The following ROBO2 variants were observed in gnomAD, a reference collection of about 807,000 sequenced individuals.
The protein encoded by ROBO2 is roundabout homolog 2.
ROBO2 carries 53 observed loss-of-function variants against 160.8 expected under a neutral mutation model. The ratio of observed to expected loss-of-function variants is 0.33; its 90% CI spans 0.26 to 0.41. The LOEUF (loss-of-function observed/expected upper bound fraction) is 0.41. ROBO2 is among the 10% of genes least tolerant of loss of function. The probability of loss-of-function intolerance (pLI) is 1.00; values close to 1 mark genes in which losing one functional copy is unlikely to be tolerated. For synonymous variants in ROBO2, 664 were observed against 611.7 expected (o/e 1.09, Z -1.26); for missense variants, 1,577 against 1,722.4 (o/e 0.92, Z 1.49).
intron 2 of ROBO2, among the ~76,000 whole-genome samples, chr3:76,937,508 A>G (rs1294619386): frequency 6.6e-6 from 1 of 151,876 alleles, no homozygotes; most frequent in Non-Finnish European, 1.5e-5. Flanking sequence ...TTTCTTATGT[A>G]ATTTATTAGT....
intron 2 of ROBO2, among the ~76,000 whole-genome samples, chr3:75,996,744 ATTC>A (rs2065737590): frequency 1.2e-5 from 1 of 82,858 alleles, no homozygotes; most frequent in East Asian, 4.5e-4. Context: ...TAAATCATCA[ATTC>A]TGATATATGT....
At chr3:76,904,505 A>G (rs1184571205) in intron 2 of ROBO2, among the ~76,000 whole-genome samples, 2 of 152,210 alleles carry the variant, frequency 1.3e-5, no homozygotes, top group Non-Finnish European at 2.9e-5. Context: ...TGATTCTTTA[A>G]AAGAACACAT....
At chr3:77,431,208 A>G (rs534413746) in intron 2 of ROBO2, among the ~76,000 whole-genome samples, 1 of 152,282 alleles carries the variant, frequency 6.6e-6, no homozygotes, top group South Asian at 2.1e-4. Context: ...AGAGGTGATG[A>G]TACCCTCAAT....
At chr3:77,200,323 T>TA (rs1560219219) in intron 2 of ROBO2, among the ~76,000 whole-genome samples, 84 of 49,606 alleles carry the variant, frequency 1.7e-3, no homozygotes, top group Non-Finnish European at 3.5e-3. Flanking sequence ...ATATATATAT[T>TA]TTAGTTTCTA....
intron 2 of ROBO2, among the ~76,000 whole-genome samples, chr3:76,914,183 G>A (rs572341226): frequency 2.0e-5 from 3 of 152,238 alleles, no homozygotes; most frequent in East Asian, 1.9e-4. Flanking sequence ...ATATTCATGG[G>A]AATTTTTAAA....
intron 2 of ROBO2, among the ~76,000 whole-genome samples, chr3:77,105,864 T>A (rs973394029): frequency 1.3e-5 from 2 of 152,128 alleles, no homozygotes; most frequent in Non-Finnish European, 2.9e-5. Context: ...GATCCTGAGG[T>A]CTGCAGTCAA....
chr3:77,294,711 G>T (rs1452494917), intron 2 of ROBO2, among the ~76,000 whole-genome samples: 2 of 147,658 alleles, frequency 1.4e-5, no homozygotes, highest in South Asian at 4.2e-4. Flanking sequence ...GATCACCAAA[G>T]ACATGAAGTA....
chr3:75,989,992 A>G (rs1045590046), intron 2 of ROBO2, among the ~76,000 whole-genome samples: 1 of 152,196 alleles, frequency 6.6e-6, no homozygotes, highest in South Asian at 2.1e-4. Flanking sequence ...TTCTCAAGGT[A>G]TAAAAAATAT....
chr3:76,505,116 A>G lies in ROBO2; in HGVS notation c.109+567514A>G, dbSNP rs1288589769. On this transcript the variant is annotated intron_variant, in intron 2 of 26. Transcript: ENST00000487694. ...ATTTGAAAAAAACAGTATCAATATA[A>G]AGTTGAGAATTATTTTTGAAAAATG... Among the ~76,000 whole-genome samples, 3 of 152,182 alleles carry G rather than the reference A, an allele frequency of 2.0e-5. No homozygotes were observed. The South Asian group carries it at 6.2e-4, about 32-fold the overall frequency.
chr3:76,787,629 A>G (rs2063076989), intron 2 of ROBO2, among the ~76,000 whole-genome samples: 2 of 151,466 alleles, frequency 1.3e-5, no homozygotes, highest in Non-Finnish European at 3.0e-5. Flanking sequence ...TATATATTCA[A>G]AAAAGACAAA....
chr3:76,630,513 G>A (rs1019998385), intron 2 of ROBO2, among the ~76,000 whole-genome samples: 3 of 148,778 alleles, frequency 2.0e-5, no homozygotes, highest in African/African-American at 7.9e-5. Flanking sequence ...ATATGCTGCA[G>A]GAACTTAACT....
intron 2 of ROBO2, among the ~76,000 whole-genome samples, chr3:77,215,343 C>T: frequency 6.6e-6 from 1 of 152,198 alleles, no homozygotes; most frequent in East Asian, 1.9e-4. Context: ...TCTTCCATCA[C>T]TGATACCCTT....
chr3:76,748,241 C>G (rs982561891), intron 2 of ROBO2, among the ~76,000 whole-genome samples: 1 of 151,874 alleles, frequency 6.6e-6, no homozygotes, highest in South Asian at 2.1e-4. Context: ...GGTTTTGTCC[C>G]TCTCTCATTT....
rs145113304 is a variant in ROBO2, at chr3:76,659,767, A to G, written c.110-438247A>G. Among the ~76,000 whole-genome samples, 697 of 152,358 alleles carry G rather than the reference A, an allele frequency of 4.6e-3. 9 individuals are homozygous for G. Among genetic ancestry groups the G allele is most frequent in the African/African-American group, 0.015 (639 of 41,586 alleles). Reference sequence around the variant, plus strand: ...GCCATTAGGGAGGCAAAGTAAATACATAAATAAACAACTTTACCACCACTG... The same window carrying G: ...GCCATTAGGGAGGCAAAGTAAATACGTAAATAAACAACTTTACCACCACTG... On this transcript the variant is annotated intron_variant, in intron 2 of 26. Transcript: ENST00000487694.
intron 2 of ROBO2, among the ~76,000 whole-genome samples, chr3:76,884,068 A>G (rs11127568): frequency 0.1 from 15,374 of 152,228 alleles, 908 homozygotes; most frequent in African/African-American, 0.16. Context: ...TGCTTAGAAT[A>G]GGCATAAGCA....
At chr3:77,064,073 G>A (rs1247541161) in intron 1 of ROBO2, among the ~76,000 whole-genome samples, 1 of 152,006 alleles carries the variant, frequency 6.6e-6, no homozygotes, top group Non-Finnish European at 1.5e-5. Context: ...GCTTATGTTG[G>A]TATTGTTAAG....
At chr3:77,612,450 C>T (rs1220076966) in intron 21 of ROBO2, among the ~76,000 whole-genome samples, 3 of 152,148 alleles carry the variant, frequency 2.0e-5, no homozygotes, top group Non-Finnish European at 4.4e-5. Context: ...TGATATACAC[C>T]ATGCCCCAAC....
chr3:75,958,476 A>G (rs886427850), intron 2 of ROBO2, among the ~76,000 whole-genome samples: 2 of 151,788 alleles, frequency 1.3e-5, no homozygotes, highest in Non-Finnish European at 2.9e-5. Flanking sequence ...GTGCTAATGA[A>G]GGAAAATGTG....
rs985302710 is a variant in ROBO2, at chr3:77,125,488, CT to C, written c.388+27149del. On this transcript the variant is annotated intron_variant, in intron 2 of 25. Transcript: ENST00000461745. ...CTGCTGAATTTGGGGGTCAAGGTCTCTATCATTTGTTTCACTGATAGGCACA... is the reference window on the plus strand; with the variant it reads ...CTGCTGAATTTGGGGGTCAAGGTCTCATCATTTGTTTCACTGATAGGCACA... Among the ~76,000 whole-genome samples, 33 of 152,238 alleles carry C rather than the reference CT, an allele frequency of 2.2e-4. 1 individual carries two copies. Among genetic ancestry groups the C allele is most frequent in the African/African-American group, 5.8e-4 (24 of 41,556 alleles).
Sources: gnomAD v4.1 joint callset for allele counts (sites outside exome capture counted in the v4.1 genomes callset) on GRCh38, gnomAD v4.1.1 for gene constraint, MANE v1.5 for transcripts, NCBI Gene and HGNC (gene_info 2026-07-23, HGNC 2026-07-21) for gene names.